Variants in LAMC3 observed in about 807,000 individuals in gnomAD.
LAMC3 encodes the protein laminin subunit gamma 3, also known as laminin subunit gamma-3.
Under a neutral mutation model 173.8 loss-of-function variants are expected in LAMC3, and 128 were observed. The ratio of observed to expected loss-of-function variants is 0.74; its 90% confidence interval spans 0.64 to 0.85. LAMC3 has a LOEUF of 0.85. LAMC3 is among the 40% of genes least tolerant of loss of function. LAMC3 has a pLI of 0.00. For missense variants in LAMC3, 2,022 were observed against 2,156.0 expected, an observed-to-expected ratio of 0.94 and a Z score of 1.23; for synonymous variants, 897 against 909.1, an observed-to-expected ratio of 0.99 and a Z score of 0.24.
At chr9:131,065,172 G>A (rs1347224359) in intron 13 of LAMC3, among the ~76,000 whole-genome samples, 1 of 152,142 alleles carries the variant, frequency 6.6e-6, no homozygotes, top group African/African-American at 2.4e-5. Context: ...CAGAGAGATG[G>A]GCATGTTTAC....
At chr9:131,030,393 G>T (rs1833804270) in intron 2 of LAMC3, among the ~76,000 whole-genome samples, 2 of 152,220 alleles carry the variant, frequency 1.3e-5, no homozygotes, top group Admixed American at 1.3e-4. Flanking sequence ...AGGCCAGGAA[G>T]CAGAGGTGGG....
chr9:131,027,401 C>T (rs1287167960), intron 2 of LAMC3, among the ~76,000 whole-genome samples: 2 of 152,168 alleles, frequency 1.3e-5, no homozygotes, highest in African/African-American at 4.8e-5. Flanking sequence ...TCCAAGGGCT[C>T]CTATGAAAAT....
At chr9:131,087,232 G>A (rs550689715) in intron 25 of LAMC3, among the ~76,000 whole-genome samples, 1 of 152,314 alleles carries the variant, frequency 6.6e-6, no homozygotes, top group African/African-American at 2.4e-5. Context: ...CCTCCCCTCT[G>A]TGCCTCTGTT....
chr9:131,039,151 G>A lies in LAMC3; in HGVS notation c.1186G>A (p.Asp396Asn), dbSNP rs577338330. ...CCCAGGCTCCCTACACCTCCAGTGC[G>A]ATGACACAGGCACCTGCGCCTGCAA... The part of the protein sequence containing the change: ...QSAGSLHLQC[D>N]DTGTCACKPT... The change falls in exon 6 of 28, where the codon GAT becomes AAT. Residue 396 changes from aspartate to asparagine, a missense_variant. Transcript: ENST00000361069. 4.3e-6 allele frequency: 7 copies of A among 1,611,264 alleles called. No homozygotes were observed. In the East Asian group the frequency reaches 8.9e-5, roughly 21 times the overall value.
intron 13 of LAMC3, among the ~76,000 whole-genome samples, chr9:131,064,690 A>G (rs900488035): frequency 1.0e-4 from 15 of 149,686 alleles, no homozygotes; most frequent in Non-Finnish European, 1.6e-4. Context: ...AGAAATGTAC[A>G]TACTCATTGT....
At chr9:131,018,234 G>A (rs1032441612) in intron 1 of LAMC3, among the ~76,000 whole-genome samples, 3 of 149,798 alleles carry the variant, frequency 2.0e-5, no homozygotes, top group Non-Finnish European at 4.4e-5. Context: ...TCCTACGTTC[G>A]AGCGATTCTC....
chr9:131,019,817 T>C (rs151232862), intron 1 of LAMC3, among the ~76,000 whole-genome samples: 30 of 150,100 alleles, frequency 2.0e-4, no homozygotes, highest in Non-Finnish European at 2.1e-4. Context: ...GACATGGAGG[T>C]CCCACCCGCC....
chr9:131,061,289 C>A, intron 13 of LAMC3, 66 bp downstream of exon 13: 2 of 1,409,738 alleles, frequency 1.4e-6, no homozygotes, highest in South Asian at 1.2e-5. Context: ...TGACTATGCC[C>A]TGGGCTCCAG....
chr9:131,046,606 C>T (rs1181798382), intron 8 of LAMC3, among the ~76,000 whole-genome samples: 1 of 136,954 alleles, frequency 7.3e-6, no homozygotes. Flanking sequence ...TCAGGCAATC[C>T]CGCCCACCTC....
intron 6 of LAMC3, among the ~76,000 whole-genome samples, chr9:131,041,088 C>G (rs773809316): frequency 6.6e-6 from 1 of 151,946 alleles, no homozygotes; most frequent in African/African-American, 2.4e-5. Flanking sequence ...TCATGGAGGC[C>G]GAGCACGGTG....
intron 13 of LAMC3, among the ~76,000 whole-genome samples, chr9:131,066,180 A>T (rs1049854470): frequency 1.4e-5 from 2 of 146,016 alleles, no homozygotes; most frequent in Non-Finnish European, 3.0e-5. Flanking sequence ...GGGTGACAGG[A>T]CGAGACTGCA....
intron 22 of LAMC3, among the ~76,000 whole-genome samples, chr9:131,077,968 C>T (rs1360781052): frequency 6.6e-6 from 1 of 152,086 alleles, no homozygotes; most frequent in African/African-American, 2.4e-5. Flanking sequence ...TCTGTGACCT[C>T]GGCCAAGGAC....
rs1394227732 is a variant in LAMC3 at position 131,067,205 on chromosome 9, C to T, written c.2593C>T (p.Pro865Ser). ...CCCTCGACCCGCAGACAAATGCATG[C>T]GTGAGTACCTACCTCCAGACCCCAG... ...LAPRPADKCM[P>S]CSCHPQGSVS... is the part of the protein sequence containing the mutation. Residue 865 changes from proline to serine, a missense_variant and splice_region_variant, in exon 14 of 28, where the codon CCT becomes TCT. Physicochemically the swap from Pro to Ser is moderately conservative, Grantham distance 74 (BLOSUM62 -1). Transcript: ENST00000361069. The T allele has an allele frequency of 6.2e-6, 10 of 1,612,912 alleles. No individual in the cohort carries two copies. Among genetic ancestry groups the T allele is most frequent in the African/African-American group, 2.7e-5 (2 of 74,902 alleles).
intron 12 of LAMC3, among the ~76,000 whole-genome samples, chr9:131,057,654 TC>T (rs1829714830): frequency 6.6e-6 from 1 of 152,102 alleles, no homozygotes; most frequent in Non-Finnish European, 1.5e-5. Flanking sequence ...GAAAGTCACT[TC>T]CCTCCCTGAG....
intron 7 of LAMC3, among the ~76,000 whole-genome samples, chr9:131,044,163 T>G (rs1217552005): frequency 6.6e-6 from 1 of 151,768 alleles, no homozygotes; most frequent in Non-Finnish European, 1.5e-5. Flanking sequence ...TTCACCATGT[T>G]GGTCAGGCTG....
At chr9:131,052,742 C>T (rs373247199) in intron 10 of LAMC3, 59 bp downstream of exon 10, 61 of 1,509,670 alleles carry the variant, frequency 4.0e-5, no homozygotes, top group Middle Eastern at 3.4e-4. Context: ...CTCTGAGGTC[C>T]GGGCACATTT....
chr9:131,063,345 C>T (rs1256882883), intron 13 of LAMC3, among the ~76,000 whole-genome samples: 1 of 152,212 alleles, frequency 6.6e-6, no homozygotes, highest in African/African-American at 2.4e-5. Flanking sequence ...ACGAGGCCCA[C>T]CCAGTGAGAG....
At chr9:131,040,184 A>ATT (rs57525110) in intron 6 of LAMC3, among the ~76,000 whole-genome samples, 2 of 145,736 alleles carry the variant, frequency 1.4e-5, no homozygotes, top group Admixed American at 1.4e-4. Context: ...CACTATCTCT[A>ATT]TTTTTTTTTT....
At chr9:131,087,383 A>T in intron 25 of LAMC3, 93 bp from the exon 26 acceptor site, 1 of 1,468,954 alleles carries the variant, frequency 6.8e-7, no homozygotes, top group Admixed American at 1.7e-5. Context: ...TGGTACAGAC[A>T]ACTGCTTGGC....
Sources: allele counts gnomAD v4.1 joint callset (sites outside exome capture counted in the v4.1 genomes callset), GRCh38; gene constraint gnomAD v4.1.1; transcripts MANE v1.5; gene names NCBI Gene and HGNC (gene_info 2026-07-23, HGNC 2026-07-21).